Variants in XKR6 observed in about 807,000 individuals in gnomAD.
XKR6 encodes the protein XK-related protein 6.
In XKR6, 22 loss-of-function variants were observed where a neutral mutation model predicts 56.7. That is an observed-to-expected ratio of 0.39 (90% CI 0.28 to 0.55). The LOEUF (loss-of-function observed/expected upper bound fraction) is 0.55, where lower values mean the gene tolerates loss of function less well. XKR6 is among the 20% of genes least tolerant of loss of function. XKR6 has a pLI of 0.66. For synonymous variants in XKR6, 524 were observed against 387.8 expected (o/e 1.35, Z -4.13); for missense variants, 852 against 889.0 (o/e 0.96, Z 0.53).
intron 1 of XKR6, among the ~76,000 whole-genome samples, chr8:10,950,531 A>C (rs1801687139): frequency 1.3e-5 from 2 of 152,190 alleles, no homozygotes; most frequent in African/African-American, 4.8e-5. Context: ...AGTGGGAACA[A>C]GGGTCTCTTG....
At chr8:11,078,389 CAG>C (rs1800329311) in intron 1 of XKR6, among the ~76,000 whole-genome samples, 1 of 152,198 alleles carries the variant, frequency 6.6e-6, no homozygotes, top group African/African-American at 2.4e-5. Context: ...TGCTGGCACA[CAG>C]CTTTTAAATA....
intron 1 of XKR6, among the ~76,000 whole-genome samples, chr8:10,963,260 C>A (rs1220383744): frequency 2.0e-5 from 3 of 152,232 alleles, no homozygotes; most frequent in Non-Finnish European, 2.9e-5. Flanking sequence ...TGCCTCAGGG[C>A]CTTGGCACTG....
intron 1 of XKR6, among the ~76,000 whole-genome samples, chr8:11,177,281 A>G (rs1802709183): frequency 6.6e-6 from 1 of 152,186 alleles, no homozygotes; most frequent in African/African-American, 2.4e-5. Flanking sequence ...TATGACCTGC[A>G]TTACAGTATA....
intron 1 of XKR6, among the ~76,000 whole-genome samples, chr8:11,030,949 A>G (rs1798979749): frequency 6.6e-6 from 1 of 152,218 alleles, no homozygotes; most frequent in Non-Finnish European, 1.5e-5. Context: ...ACCATTTTAA[A>G]TATTAGAAAA....
intron 1 of XKR6, among the ~76,000 whole-genome samples, chr8:11,117,774 G>C (rs1465085306): frequency 6.6e-6 from 1 of 152,034 alleles, no homozygotes; most frequent in Non-Finnish European, 1.5e-5. Context: ...AAAAATTCTA[G>C]TAAATATTAA....
chr8:10,995,683 A>T (rs1367283175), intron 1 of XKR6, among the ~76,000 whole-genome samples: 1 of 132,262 alleles, frequency 7.6e-6, no homozygotes, highest in Non-Finnish European at 1.5e-5. Flanking sequence ...GTGAGACCCT[A>T]TCTCCCCACC....
intron 1 of XKR6, among the ~76,000 whole-genome samples, chr8:11,118,223 A>G (rs10105377): frequency 0.49 from 72,409 of 148,956 alleles, 19,035 homozygotes; most frequent in African/African-American, 0.68. Flanking sequence ...AACAAGCCCA[A>G]CTGTCTGTCA....
Position 11,010,490 on chromosome 8 carries a change from T to C in XKR6, c.765-85660A>G, listed in dbSNP as rs138425381. Among the ~76,000 whole-genome samples, 10 of 152,326 alleles carry C rather than the reference T, an allele frequency of 6.6e-5. No individual in the cohort carries two copies. In the East Asian group the frequency reaches 1.9e-3, roughly 29 times the overall value. ...CAACAGTACCTGCCTCATGGGTTGG[T>C]GTGACTACTGAGTAATGCAACACAG... On this transcript the variant is annotated intron_variant, in intron 1 of 2. Transcript: ENST00000416569.
At chr8:11,056,806 C>A (rs1227035982) in intron 1 of XKR6, among the ~76,000 whole-genome samples, 1 of 152,200 alleles carries the variant, frequency 6.6e-6, no homozygotes, top group African/African-American at 2.4e-5. Context: ...GTGCATCTGC[C>A]TTCCTGCTCC....
At chr8:10,942,749 T>G (rs1801423853) in intron 1 of XKR6, among the ~76,000 whole-genome samples, 1 of 152,196 alleles carries the variant, frequency 6.6e-6, no homozygotes, top group African/African-American at 2.4e-5. Flanking sequence ...AACTTGCCAA[T>G]CACCCCTGCC....
chr8:10,951,530 A>G (rs1256546026), intron 1 of XKR6, among the ~76,000 whole-genome samples: 1 of 152,212 alleles, frequency 6.6e-6, no homozygotes, highest in Non-Finnish European at 1.5e-5. Flanking sequence ...TCTGTTTCAC[A>G]CTGCGTGGCT....
chr8:10,967,261 C>T (rs970717209), intron 1 of XKR6, among the ~76,000 whole-genome samples: 2 of 152,232 alleles, frequency 1.3e-5, no homozygotes, highest in Non-Finnish European at 2.9e-5. Context: ...GGCAACAACA[C>T]ATCCCTCCTA....
chr8:11,155,019 T>C (rs1292449432), intron 1 of XKR6, among the ~76,000 whole-genome samples: 1 of 152,222 alleles, frequency 6.6e-6, no homozygotes, highest in Non-Finnish European at 1.5e-5. Flanking sequence ...CTTCATATTA[T>C]CCGAGCTGCG....
intron 1 of XKR6, among the ~76,000 whole-genome samples, chr8:11,156,565 T>C (rs1421354095): frequency 3.9e-5 from 6 of 152,164 alleles, no homozygotes; most frequent in African/African-American, 1.4e-4. Context: ...AAATATCAGT[T>C]TGTCAAAGAG....
chr8:11,125,014 G>A (rs1799693311), intron 1 of XKR6, among the ~76,000 whole-genome samples: 2 of 151,048 alleles, frequency 1.3e-5, no homozygotes, highest in South Asian at 2.1e-4. Context: ...GCGTGAACCC[G>A]GGAGGTGGAG....
At position 11,201,034 on chromosome 8, in the gene XKR6, G is replaced by A; in HGVS notation, c.306C>T (p.Gly102=). 1 of 1,201,326 alleles carries A rather than the reference G, an allele frequency of 8.3e-7. No individual in the cohort carries two copies. The highest frequency in any genetic ancestry group is 4.0e-5 in the South Asian group (1 of 24,696). 74.4% of individuals were successfully genotyped at this position (1,201,326 alleles called of 1,614,324 possible). A position where few individuals can be genotyped will look rare whatever the true frequency, so the allele number is the denominator to read the frequency against. ...AGGGCGTCGGGGGTTGGCGGCCGGC[G>A]CCGGGGGCCGCGGGAGGCTGCAGCG... ...DQPLQPPAAP[G]AGRQPPTPSA... is the part of the protein sequence containing the mutation. The change falls in exon 1 of 3, where the codon GGC becomes GGT. Residue 102 remains glycine (G), a synonymous_variant. Coordinates refer to ENST00000416569, the MANE Select transcript of XKR6 (RefSeq NM_173683.4).
At chr8:10,924,075 C>A (rs1375634878) in intron 2 of XKR6, among the ~76,000 whole-genome samples, 3 of 152,334 alleles carry the variant, frequency 2.0e-5, no homozygotes, top group Non-Finnish European at 2.9e-5. Flanking sequence ...AATGTCACCC[C>A]ATGTGTTGTT....
chr8:11,105,731 C>T (rs1420872060), intron 1 of XKR6: 1 of 152,084 alleles, frequency 6.6e-6, no homozygotes, highest in Non-Finnish European at 1.5e-5. Flanking sequence ...CTCCAGGCAC[C>T]GAAAAGCTTG....
intron 1 of XKR6, among the ~76,000 whole-genome samples, chr8:11,036,127 T>C (rs559735279): frequency 6.6e-6 from 1 of 151,824 alleles, no homozygotes; most frequent in East Asian, 1.9e-4. Flanking sequence ...TTCTTAGTTT[T>C]TGTAGAGATG....
Sources: allele counts gnomAD v4.1 joint callset (sites outside exome capture counted in the v4.1 genomes callset), GRCh38; gene constraint gnomAD v4.1.1; transcripts MANE v1.5; gene names NCBI Gene and HGNC (gene_info 2026-07-23, HGNC 2026-07-21).